The following ADAMTS3 variants were observed in gnomAD, a reference collection of about 807,000 sequenced individuals.
The protein encoded by ADAMTS3 is ADAM metallopeptidase with thrombospondin type 1 motif 3, also known as A disintegrin and metalloproteinase with thrombospondin motifs 3.
In ADAMTS3, 73 loss-of-function variants were observed where a neutral mutation model predicts 129.0. That is an observed-to-expected ratio of 0.57 (90% CI 0.47 to 0.69). ADAMTS3 has a LOEUF of 0.69. Ranked by LOEUF, ADAMTS3 falls within the 30% of genes least tolerant of loss-of-function variation. The pLI is 0.00. For synonymous variants in ADAMTS3, 477 were observed against 510.8 expected (o/e 0.93, Z 0.89); for missense variants, 1,457 against 1,514.5 (o/e 0.96, Z 0.63).
intron 2 of ADAMTS3, among the ~76,000 whole-genome samples, chr4:72,562,760 T>C (rs1721932336): frequency 6.6e-6 from 1 of 152,098 alleles, no homozygotes; most frequent in African/African-American, 2.4e-5. Context: ...ACTGACTAAT[T>C]AAAAAGAAAA....
At chr4:72,354,830 C>G (rs1024322911) in intron 4 of ADAMTS3, among the ~76,000 whole-genome samples, 1 of 151,950 alleles carries the variant, frequency 6.6e-6, no homozygotes, top group African/African-American at 2.4e-5. Flanking sequence ...ACACAACAAT[C>G]TTATATTTGC....
At chr4:72,397,465 T>G (rs1348598285) in intron 4 of ADAMTS3, among the ~76,000 whole-genome samples, 1 of 151,812 alleles carries the variant, frequency 6.6e-6, no homozygotes, top group Non-Finnish European at 1.5e-5. Context: ...CTCAGGAACC[T>G]AAGGCAGGAG....
intron 4 of ADAMTS3, among the ~76,000 whole-genome samples, chr4:72,398,026 G>A (rs541555106): frequency 1.3e-3 from 193 of 152,224 alleles, no homozygotes; most frequent in African/African-American, 4.4e-3. Flanking sequence ...CCTACACTGA[G>A]GTTATCAGGA....
chr4:72,341,582 A>G (rs559040803), intron 4 of ADAMTS3, among the ~76,000 whole-genome samples: 1 of 152,328 alleles, frequency 6.6e-6, no homozygotes, highest in Non-Finnish European at 1.5e-5. Flanking sequence ...TGAGCTCTCA[A>G]TTCTAAAAAT....
intron 3 of ADAMTS3, among the ~76,000 whole-genome samples, chr4:72,450,635 T>A (rs1718370800): frequency 6.6e-6 from 1 of 151,686 alleles, no homozygotes; most frequent in Non-Finnish European, 1.5e-5. Context: ...GATTACACCA[T>A]CTAAGAAACT....
At chr4:72,427,176 C>T (rs542821090) in intron 3 of ADAMTS3, among the ~76,000 whole-genome samples, 1 of 152,212 alleles carries the variant, frequency 6.6e-6, no homozygotes, top group South Asian at 2.1e-4. Context: ...TTCAACCTAA[C>T]TTCTCACACA....
chr4:72,439,461 A>G (rs1718054222), intron 3 of ADAMTS3, among the ~76,000 whole-genome samples: 1 of 151,666 alleles, frequency 6.6e-6, no homozygotes, highest in South Asian at 2.1e-4. Flanking sequence ...AATAATAGTC[A>G]TCAGTTTCCT....
chr4:72,535,694 A>G (rs1721168937), intron 3 of ADAMTS3, among the ~76,000 whole-genome samples: 1 of 152,160 alleles, frequency 6.6e-6, no homozygotes, highest in South Asian at 2.1e-4. Flanking sequence ...AGAGGGGCAG[A>G]AAACACCCAC....
chr4:72,500,928 T>A (rs1720001400), intron 3 of ADAMTS3, among the ~76,000 whole-genome samples: 1 of 152,186 alleles, frequency 6.6e-6, no homozygotes, highest in Non-Finnish European at 1.5e-5. Flanking sequence ...GCTGTAGGCA[T>A]GTGGCTTTAT....
intron 5 of ADAMTS3, among the ~76,000 whole-genome samples, chr4:72,327,925 A>G (rs1719739841): frequency 6.6e-6 from 1 of 152,220 alleles, no homozygotes; most frequent in Non-Finnish European, 1.5e-5. Flanking sequence ...AGTATTCCAG[A>G]AAATATTGAG....
At chr4:72,397,409 C>CA (rs1328723757) in intron 4 of ADAMTS3, among the ~76,000 whole-genome samples, 2 of 151,874 alleles carry the variant, frequency 1.3e-5, no homozygotes, top group Non-Finnish European at 2.9e-5. Flanking sequence ...ACCAAAAGTA[C>CA]AATAAATTAG....
At chr4:72,359,701 C>T (rs764759694) in intron 4 of ADAMTS3, among the ~76,000 whole-genome samples, 12 of 151,980 alleles carry the variant, frequency 7.9e-5, no homozygotes, top group Non-Finnish European at 1.3e-4. Flanking sequence ...TAAAGAAATG[C>T]ATCCTATCTA....
chr4:72,316,769 C>A lies in ADAMTS3; in HGVS notation c.1486-798G>T, dbSNP rs1002774358. On this transcript the variant is annotated intron_variant, in intron 10 of 21. Transcript: ENST00000286657. ...AAGCAGAAAAAAATTGTCAAACTTT[C>A]TGTGTAAGATAAAGTATTCTAGGTA... 2.0e-5 allele frequency among the ~76,000 whole-genome samples: 3 copies of A among 151,846 alleles called. No individual in the cohort carries two copies. In the East Asian group the frequency reaches 5.8e-4, roughly 29 times the overall value.
chr4:72,474,236 C>T (rs1410498169), intron 3 of ADAMTS3, among the ~76,000 whole-genome samples: 2 of 152,082 alleles, frequency 1.3e-5, no homozygotes, highest in Non-Finnish European at 2.9e-5. Context: ...GATGCCAACA[C>T]TAAGATGACA....
At chr4:72,424,700 A>G (rs1560510762) in intron 3 of ADAMTS3, among the ~76,000 whole-genome samples, 1 of 17,238 alleles carries the variant, frequency 5.8e-5, no homozygotes, top group Non-Finnish European at 1.3e-4. Flanking sequence ...TCTTGGGGGA[A>G]AAAAAATCAC....
At chr4:72,372,624 CAAGA>C (rs1354200624) in intron 4 of ADAMTS3, among the ~76,000 whole-genome samples, 1 of 151,536 alleles carries the variant, frequency 6.6e-6, no homozygotes, top group African/African-American at 2.4e-5. Flanking sequence ...ACTAAATTAG[CAAGA>C]AAGATGGGTA....
At chr4:72,471,210 G>T (rs1218106956) in intron 3 of ADAMTS3, among the ~76,000 whole-genome samples, 1 of 152,160 alleles carries the variant, frequency 6.6e-6, no homozygotes, top group Non-Finnish European at 1.5e-5. Flanking sequence ...GCAAAAATTA[G>T]AAACTTGGAG....
intron 3 of ADAMTS3, among the ~76,000 whole-genome samples, chr4:72,417,101 G>A (rs1722325481): frequency 1.3e-5 from 2 of 152,158 alleles, no homozygotes; most frequent in East Asian, 1.9e-4. Context: ...CAAATCCGCT[G>A]TCACTGCATT....
intron 4 of ADAMTS3, among the ~76,000 whole-genome samples, chr4:72,406,595 T>C (rs1446096481): frequency 6.6e-6 from 1 of 152,152 alleles, no homozygotes. Context: ...GTTGCTTTAG[T>C]GTAGTTGTCA....
Sources: gnomAD v4.1 joint callset for allele counts (sites outside exome capture counted in the v4.1 genomes callset) on GRCh38, gnomAD v4.1.1 for gene constraint, MANE v1.5 for transcripts, NCBI Gene and HGNC (gene_info 2026-07-23, HGNC 2026-07-21) for gene names.